CCDC82: variants seen among roughly 807,000 people sequenced by gnomAD.
The protein encoded by CCDC82 is coiled-coil domain containing 82, also known as coiled-coil domain-containing protein 82.
Under a neutral mutation model 60.6 loss-of-function variants are expected in CCDC82, and 47 were observed. The observed-to-expected ratio is 0.77, with a 90% CI of 0.61 to 0.99. The LOEUF (loss-of-function observed/expected upper bound fraction) is 0.99. CCDC82 is among the 50% of genes least tolerant of loss of function. The pLI is 0.00. For missense variants in CCDC82, 588 were observed against 633.0 expected, an observed-to-expected ratio of 0.93 and a Z score of 0.76; for synonymous variants, 212 against 207.4, an observed-to-expected ratio of 1.02 and a Z score of -0.19.
In CCDC82 at chr11:96,384,210, C is replaced by T. The variant is rs200868386; in HGVS notation, c.538G>A (p.Gly180Arg). 6.2e-6 allele frequency: 10 copies of T among 1,613,680 alleles called. No homozygotes were observed. The highest frequency in any genetic ancestry group is 1.7e-5 in the Admixed American group (1 of 59,944). Residue 180 changes from glycine (G) to arginine (R), a missense_variant, in exon 4 of 10, where the codon GGA becomes AGA. Physicochemically the swap from Gly to Arg is moderately radical, Grantham distance 125. Coordinates refer to ENST00000646818, the MANE Select transcript of CCDC82 (RefSeq NM_024725.4). Reference protein sequence around the residue: ...DDLEEEDIKRGKRKRLSSVMC... With the variant: ...DDLEEEDIKRRKRKRLSSVMC... ...ACAGAGGATAGCCTTTTTCTTTTTC[C>T]TCGCTTGATGTCTTCTTCTTCTAAA...
intron 7 of CCDC82, among the ~76,000 whole-genome samples, chr11:96,368,441 C>T (rs1300945890): frequency 6.6e-6 from 1 of 152,048 alleles, no homozygotes; most frequent in Non-Finnish European, 1.5e-5. Context: ...TCAAAGGACC[C>T]TTGGATTCTA....
intron 5 of CCDC82, among the ~76,000 whole-genome samples, chr11:96,377,314 C>CT (rs1449916837): frequency 2.6e-5 from 4 of 151,950 alleles, no homozygotes; most frequent in African/African-American, 9.7e-5. Flanking sequence ...CTTCTGTATC[C>CT]TTTGTTAAGT....
At position 96,353,594 on chromosome 11, in the gene CCDC82, C is replaced by A; in HGVS notation, c.*52G>T. The A allele has an allele frequency of 1.6e-6, 2 of 1,274,344 alleles. No homozygotes were observed. Among genetic ancestry groups the A allele is most frequent in the Admixed American group, 3.4e-5 (2 of 58,464 alleles). 78.9% of individuals were successfully genotyped at this position (1,274,344 alleles called of 1,614,324 possible). ...TCACATGATACAGAAAAACAAGAAT[C>A]ATGATCTTCACATTTACAGGAATTT... On this transcript the variant is annotated 3_prime_UTR_variant, in exon 10 of 10. Transcript: ENST00000646818.
intron 7 of CCDC82, among the ~76,000 whole-genome samples, chr11:96,367,816 A>AT (rs1400227443): frequency 5.3e-5 from 6 of 112,298 alleles, no homozygotes; most frequent in South Asian, 2.9e-4. Flanking sequence ...TATGAAATGT[A>AT]TTTCTTTTTT....
chr11:96,375,768 T>C (rs1445996069), intron 5 of CCDC82, among the ~76,000 whole-genome samples: 2 of 152,230 alleles, frequency 1.3e-5, no homozygotes, highest in Admixed American at 6.5e-5. Context: ...GTAGATTTGA[T>C]ATATGTCACA....
At chr11:96,389,303 G>C (rs1365226753) in intron 1 of CCDC82, 1 of 152,194 alleles carries the variant, frequency 6.6e-6, no homozygotes, top group Non-Finnish European at 1.5e-5. Flanking sequence ...ATGAGTGGTA[G>C]ACAGTGGAAT....
chr11:96,375,393 T>C (rs1408904849), intron 5 of CCDC82, among the ~76,000 whole-genome samples: 2 of 152,208 alleles, frequency 1.3e-5, no homozygotes, highest in East Asian at 1.9e-4. Context: ...ATTCTTCTTT[T>C]ATCAATGGAT....
chr11:96,383,880 G>A, intron 4 of CCDC82, 82 bp downstream of exon 4: 1 of 1,225,556 alleles, frequency 8.2e-7, no homozygotes, highest in Non-Finnish European at 1.1e-6. Flanking sequence ...AAATGGAACG[G>A]ACTCAGCACT....
In CCDC82 at chr11:96,384,067, A is replaced by G; in HGVS notation, c.681T>C (p.Thr227=). Residue 227 remains threonine (T), a synonymous_variant, in exon 4 of 10, where the codon ACT becomes ACC. Transcript: ENST00000646818. ...EGSSVEMEQK[T]PEKTLAAQKR... The stretch of plus-strand genomic sequence containing the variant: ...TTTGTGCAGCTAATGTTTTTTCAGG[A>G]GTCTTTTGCTCCATTTCCACTGAAG... The G allele has an allele frequency of 6.2e-7, 1 of 1,613,654 alleles. No homozygotes were observed. The highest frequency in any genetic ancestry group is 8.5e-7 in the Non-Finnish European group (1 of 1,179,738).
Position 96,383,278 on chromosome 11 carries a change from TCTGTTTTACTA to T in CCDC82, c.971_981del (p.Leu324Ter). 1 of 1,529,222 alleles carries T rather than the reference TCTGTTTTACTA, an allele frequency of 6.5e-7. No homozygotes were observed. The highest frequency in any genetic ancestry group is 1.1e-5 in the South Asian group (1 of 89,252). The allele number at this position is 1,529,222 out of a possible 1,614,324, so 94.7% of individuals were successfully genotyped here. On this transcript the variant is annotated frameshift_variant, in exon 5 of 10. Transcript: ENST00000646818. LOFTEE classifies it high-confidence loss of function. ...TTAATATTGAACTTACAAAGAGAAT[TCTGTTTTACTA>T]ATTTCAGTTGTGATGTAGTCAATTT...
intron 7 of CCDC82, among the ~76,000 whole-genome samples, chr11:96,368,010 G>A (rs187183200): frequency 2.6e-5 from 4 of 151,854 alleles, no homozygotes; most frequent in South Asian, 2.1e-4. Flanking sequence ...TAGTAGATAC[G>A]GGGTTTCACC....
intron 7 of CCDC82, among the ~76,000 whole-genome samples, chr11:96,367,647 A>G (rs974763238): frequency 6.6e-6 from 1 of 152,108 alleles, no homozygotes; most frequent in African/African-American, 2.4e-5. Context: ...TTGGAATCAA[A>G]TTCTTTCAAT....
At chr11:96,376,152 A>T (rs1865559959) in intron 5 of CCDC82, among the ~76,000 whole-genome samples, 1 of 152,224 alleles carries the variant, frequency 6.6e-6, no homozygotes, top group African/African-American at 2.4e-5. Flanking sequence ...TTGGTAGTCT[A>T]ATCATTCTTT....
At chr11:96,363,644 T>C (rs931443387) in intron 8 of CCDC82, 5 of 152,220 alleles carry the variant, frequency 3.3e-5, no homozygotes, top group African/African-American at 9.6e-5. Flanking sequence ...TGAGTATGTA[T>C]ATAGCTTTGT....
At chr11:96,358,302 A>G in intron 9 of CCDC82, 8 of 1,167,400 alleles carry the variant, frequency 6.9e-6, no homozygotes, top group Non-Finnish European at 8.4e-6. Flanking sequence ...TTCTTTCCAT[A>G]TACCATAAAC....
chr11:96,384,004 T>A lies in CCDC82; in HGVS notation c.744A>T (p.Lys248Asn), dbSNP rs142795035. 6.2e-7 allele frequency: 1 copy of A among 1,613,364 alleles called. No individual in the cohort carries two copies. The change falls in exon 4 of 10, where the codon AAA becomes AAT. Residue 248 changes from lysine to asparagine, a missense_variant. Lys to Asn is a moderately conservative substitution (Grantham distance 94). Coordinates refer to ENST00000646818, the MANE Select transcript of CCDC82 (RefSeq NM_024725.4). ...EKLQKLKELSKQRSRQRRSSG... is the reference protein window; with the variant it reads ...EKLQKLKELSNQRSRQRRSSG... The stretch of plus-strand genomic sequence containing the variant: ...TACTGCGTCTCTGACGAGATCTTTG[T>A]TTTGAGAGTTCTTTGAGCTTCTGAA...
At chr11:96,356,920 C>G (rs1229207440) in intron 9 of CCDC82, 2 of 985,218 alleles carry the variant, frequency 2.0e-6, no homozygotes. Context: ...GGCAGAAAGA[C>G]AGGAACAAAT....
rs1308496144 is a variant in CCDC82 at position 96,387,629 on chromosome 11, T to C, written c.-138-16A>G. Reference sequence around the variant, plus strand: ...ACAATGACGGCTGCCAATATCACATTTGTACAAGATAGTAAAAATTAAGCC... The same window carrying C: ...ACAATGACGGCTGCCAATATCACATCTGTACAAGATAGTAAAAATTAAGCC... On this transcript the variant is annotated splice_polypyrimidine_tract_variant and intron_variant, in intron 1 of 9. Coordinates refer to ENST00000646818, the MANE Select transcript of CCDC82 (RefSeq NM_024725.4). 1.3e-5 allele frequency: 2 copies of C among 152,212 alleles called. No individual in the cohort carries two copies. The highest frequency in any genetic ancestry group is 3.8e-4 in the East Asian group (2 of 5,210). 9.4% of individuals were successfully genotyped at this position (152,212 alleles called of 1,614,324 possible). A position where few individuals can be genotyped will look rare whatever the true frequency, so the allele number is the denominator to read the frequency against.
At chr11:96,388,382 C>A (rs1459002951) in intron 1 of CCDC82, 2 of 152,124 alleles carry the variant, frequency 1.3e-5, no homozygotes, top group Non-Finnish European at 2.9e-5. Flanking sequence ...TGATACCTTA[C>A]CTTTAAGCAA....
Sources: allele counts gnomAD v4.1 joint callset (sites outside exome capture counted in the v4.1 genomes callset), GRCh38; gene constraint gnomAD v4.1.1; transcripts MANE v1.5; gene names NCBI Gene and HGNC (gene_info 2026-07-23, HGNC 2026-07-21).